Variants in FST observed in about 807,000 individuals in gnomAD.
FST encodes activin-binding protein.
In FST, 6 loss-of-function variants were observed where a neutral mutation model predicts 38.4. The observed-to-expected ratio is 0.16, with a 90% CI of 0.09 to 0.31. The LOEUF is 0.31. Ranked by LOEUF, FST falls within the 10% of genes least tolerant of loss-of-function variation. FST has a pLI of 1.00. For missense variants in FST, 301 were observed against 432.3 expected (o/e 0.70, Z 2.69); for synonymous variants, 157 against 169.8 (o/e 0.92, Z 0.59).
chr5:53,486,163 A>G lies in FST; in HGVS notation c.*130A>G. ...TGTATGCTTATTTATTTGGGGGGAA[A>G]ACTATACATTAAAGGACCTTTGTCC... is the stretch of plus-strand genomic sequence containing the variant. On this transcript the variant is annotated 3_prime_UTR_variant, in exon 6 of 6. Coordinates refer to ENST00000256759, the MANE Select transcript of FST (RefSeq NM_013409.3). 3.7e-6 allele frequency: 2 copies of G among 546,892 alleles called. No homozygotes were observed. Among genetic ancestry groups the G allele is most frequent in the Non-Finnish European group, 6.3e-6 (2 of 317,994 alleles). The allele number at this position is 546,892 out of a possible 1,614,324, so 33.9% of individuals were successfully genotyped here. A position where few individuals can be genotyped will look rare whatever the true frequency, so the allele number is the denominator to read the frequency against.
chr5:53,481,187 G>C (rs768614472), intron 1 of FST, among the ~76,000 whole-genome samples: 14 of 151,870 alleles, frequency 9.2e-5, no homozygotes, highest in Admixed American at 4.6e-4. Flanking sequence ...TCTGAAGAAG[G>C]GAACAAGTAT....
In FST at chr5:53,480,848, C is replaced by A; in HGVS notation, c.57C>A (p.Cys19Ter). Residue 19 changes from cysteine (C) to a stop codon, truncating the protein, a stop_gained, in exon 1 of 6, where the codon TGC becomes TGA. Coordinates refer to ENST00000256759, the MANE Select transcript of FST (RefSeq NM_013409.3). LOFTEE classifies it high-confidence loss of function. ...GGLCLLLLLL[C>*]QFMEDRSAQA... ...TTTGCCTCCTGCTGCTGCTGCTCTG[C>A]CAGTTCATGGAGGACCGCAGTGCCC... 6.5e-7 allele frequency: 1 copy of A among 1,534,066 alleles called. No individual in the cohort carries two copies.
chr5:53,482,718 G>A lies in FST; in HGVS notation c.86-162G>A, dbSNP rs553873210. ...CTTTTTCCACCCCTCCACCCCTTTC[G>A]ATTTATTTCCTACTTTTCTCCCGCG... On this transcript the variant is annotated intron_variant, in intron 1 of 5. Transcript: ENST00000256759. 81 of 544,298 alleles carry A rather than the reference G, an allele frequency of 1.5e-4. No homozygotes were observed. In the African/African-American group the frequency reaches 1.5e-3, roughly 10 times the overall value. 33.7% of individuals were successfully genotyped at this position (544,298 alleles called of 1,614,324 possible).
At position 53,486,676 on chromosome 5, in the gene FST, A is replaced by G. The variant is rs1457703128; in HGVS notation, c.*643A>G. 3 of 152,244 alleles carry G rather than the reference A, an allele frequency of 2.0e-5. No individual in the cohort carries two copies. Among genetic ancestry groups the G allele is most frequent in the Non-Finnish European group, 2.9e-5 (2 of 68,042 alleles). 9.4% of individuals were successfully genotyped at this position (152,244 alleles called of 1,614,324 possible). On this transcript the variant is annotated 3_prime_UTR_variant, in exon 6 of 6. Coordinates refer to ENST00000256759, the MANE Select transcript of FST (RefSeq NM_013409.3). ...CAAATACAAGGTACAGAAGATAAGC[A>G]TCTTTGAGGAAACTCCTACTTCAGT... is the stretch of plus-strand genomic sequence containing the variant.
intron 1 of FST, among the ~76,000 whole-genome samples, chr5:53,482,272 TTTC>T (rs1042285445): frequency 6.6e-6 from 1 of 152,040 alleles, no homozygotes; most frequent in Non-Finnish European, 1.5e-5. Context: ...TCTTCCTTTT[TTTC>T]TTTCTTTCTC....
rs1204708877 is a variant in FST, at chr5:53,484,143, A to G, written c.571A>G (p.Thr191Ala). 1 of 1,610,444 alleles carries G rather than the reference A, an allele frequency of 6.2e-7. No homozygotes were observed. Among genetic ancestry groups the G allele is most frequent in the Non-Finnish European group, 8.5e-7 (1 of 1,176,848 alleles). ...CCAGACCAATAATGCCTACTGTGTG[A>G]CCTGTAATCGGATTTGCCCAGAGCC... ...VDQTNNAYCV[T>A]CNRICPEPAS... The change falls in exon 4 of 6, where the codon ACC (threonine) becomes GCC (alanine). Residue 191 changes from threonine to alanine, a missense_variant. Transcript: ENST00000256759.
At position 53,485,235 on chromosome 5, in the gene FST, C is replaced by A; in HGVS notation, c.952+8C>A. On this transcript the variant is annotated splice_region_variant and intron_variant, in intron 5 of 5. Coordinates refer to ENST00000256759, the MANE Select transcript of FST (RefSeq NM_013409.3). ...ACTCCGGATCTTGCAACTGTAAGTGCGATTTTTAACCTTGCTGCCATTTAA... is the reference window on the plus strand; with the variant it reads ...ACTCCGGATCTTGCAACTGTAAGTGAGATTTTTAACCTTGCTGCCATTTAA... The A allele has an allele frequency of 6.1e-6, 9 of 1,468,368 alleles. No individual in the cohort carries two copies. Among genetic ancestry groups the A allele is most frequent in the South Asian group, 1.1e-5 (1 of 88,266 alleles). The allele number at this position is 1,468,368 out of a possible 1,614,324, so 91.0% of individuals were successfully genotyped here.
Position 53,486,072 on chromosome 5 carries a change from C to CAAAAAAAAAAAA in FST, c.*49_*60dup, listed in dbSNP as rs3083659. On this transcript the variant is annotated 3_prime_UTR_variant, in exon 6 of 6. Coordinates refer to ENST00000256759, the MANE Select transcript of FST (RefSeq NM_013409.3). ...GTTCAGTGTTGACATAGCCTTTGTG[C>CAAAAAAAAAAAA]AAAAAAAAAAAAAAAAAAAAAGAAA... The CAAAAAAAAAAAA allele has an allele frequency of 1.5e-5, 4 of 266,732 alleles. No homozygotes were observed. Among genetic ancestry groups the CAAAAAAAAAAAA allele is most frequent in the Non-Finnish European group, 2.5e-5 (4 of 162,590 alleles). The allele number at this position is 266,732 out of a possible 1,614,324, so 16.5% of individuals were successfully genotyped here.
chr5:53,485,950 G>A lies in FST; in HGVS notation c.953-1G>A. ...CAGCTCCCCTGTATTCCCCCATCTA[G>A]CCATTTCGGAAGACACCGAGGAAGA... is the stretch of plus-strand genomic sequence containing the variant. On this transcript the variant is annotated splice_acceptor_variant, in intron 5 of 5. Coordinates refer to ENST00000256759, the MANE Select transcript of FST (RefSeq NM_013409.3). LOFTEE classifies it high-confidence loss of function. The A allele has an allele frequency of 6.2e-7, 1 of 1,606,348 alleles. No homozygotes were observed. The highest frequency in any genetic ancestry group is 8.5e-7 in the Non-Finnish European group (1 of 1,178,084).
rs923402599 is a variant in FST, at chr5:53,483,954, A to G, written c.497-115A>G. 29 of 872,320 alleles carry G rather than the reference A, an allele frequency of 3.3e-5. No individual in the cohort carries two copies. The highest frequency in any genetic ancestry group is 4.5e-5 in the Non-Finnish European group (25 of 550,742). 54.0% of individuals were successfully genotyped at this position (872,320 alleles called of 1,614,324 possible). Reference sequence around the variant, plus strand: ...TCTCTTGAAAACTACAGGGCTCCCTAAGTGCCTTTTGAAAGCTGGATGCTT... The same window carrying G: ...TCTCTTGAAAACTACAGGGCTCCCTGAGTGCCTTTTGAAAGCTGGATGCTT... On this transcript the variant is annotated intron_variant, in intron 3 of 5. Coordinates refer to ENST00000256759, the MANE Select transcript of FST (RefSeq NM_013409.3). The surrounding 1 kb of genome is among the most constrained non-coding windows in gnomAD (Gnocchi z 4.1).
rs1747362238 is a variant in FST at position 53,483,446 on chromosome 5, G to C, written c.278-58G>C. On this transcript the variant is annotated intron_variant, in intron 2 of 5. Coordinates refer to ENST00000256759, the MANE Select transcript of FST (RefSeq NM_013409.3). This position sits in a 1 kb window ranked among gnomAD's most constrained non-coding sequence, Gnocchi z 4.1. ...TGCGCAAGGCACCCGAAGCCCTCCTGGCTGACCTGCAGACTGCCTGGCTCT... is the reference window on the plus strand; with the variant it reads ...TGCGCAAGGCACCCGAAGCCCTCCTCGCTGACCTGCAGACTGCCTGGCTCT... 7.1e-7 allele frequency: 1 copy of C among 1,416,114 alleles called. No homozygotes were observed. Among genetic ancestry groups the C allele is most frequent in the South Asian group, 1.2e-5 (1 of 84,050 alleles). The allele number at this position is 1,416,114 out of a possible 1,614,324, so 87.7% of individuals were successfully genotyped here. A position where few individuals can be genotyped will look rare whatever the true frequency, so the allele number is the denominator to read the frequency against.
chr5:53,482,651 A>G, intron 1 of FST: 1 of 418,112 alleles, frequency 2.4e-6, no homozygotes, highest in Non-Finnish European at 4.2e-6. Context: ...CCTCTCGCCC[A>G]CCTCCCATCT....
intron 5 of FST, 134 bp from the exon 6 acceptor site, chr5:53,485,817 C>G: frequency 6.3e-7 from 1 of 1,596,524 alleles, no homozygotes; most frequent in Non-Finnish European, 8.5e-7. Context: ...AAAAAAGCAT[C>G]TCACTGCAAG....
intron 1 of FST, among the ~76,000 whole-genome samples, chr5:53,481,483 A>AAAAAAAAAAAAAAAC (rs1747207753): frequency 1.4e-5 from 2 of 146,878 alleles, no homozygotes; most frequent in Non-Finnish European, 3.0e-5. Flanking sequence ...AAAAAAAAAA[A>AAAAAAAAAAAAAAAC]AAAGCCAAAT....
intron 1 of FST, 111 bp from the exon 2 acceptor site, chr5:53,482,769 C>G: frequency 1.6e-6 from 1 of 614,234 alleles, no homozygotes; most frequent in Admixed American, 3.1e-5. Flanking sequence ...CTCCTCCACG[C>G]TCACCCCCTC....
intron 4 of FST, among the ~76,000 whole-genome samples, 156 bp from the exon 5 acceptor site, chr5:53,484,841 C>A (rs1470645457): frequency 6.6e-6 from 1 of 152,072 alleles, no homozygotes; most frequent in Non-Finnish European, 1.5e-5. Context: ...AGCATTTTTG[C>A]ATAATATCTC....
chr5:53,480,705 C>CTGCGACG lies in FST; in HGVS notation c.-86_-80dup, dbSNP rs542798811. 3.8e-6 allele frequency: 1 copy of CTGCGACG among 261,348 alleles called. No individual in the cohort carries two copies. Among genetic ancestry groups the CTGCGACG allele is most frequent in the East Asian group, 1.6e-4 (1 of 6,444 alleles). The allele number at this position is 261,348 out of a possible 1,614,324, so 16.2% of individuals were successfully genotyped here. ...TCGCTGCGCCCTCCGCCGCTGGCCT[C>CTGCGACG]TGCGACGCGCGCCGCTCGCCCGAGC... is the stretch of plus-strand genomic sequence containing the variant. On this transcript the variant is annotated 5_prime_UTR_variant, in exon 1 of 6. Coordinates refer to ENST00000256759, the MANE Select transcript of FST (RefSeq NM_013409.3).
intron 1 of FST, among the ~76,000 whole-genome samples, chr5:53,481,462 C>CAAAA (rs70983342): frequency 0.019 from 904 of 47,988 alleles, 131 homozygotes; most frequent in African/African-American, 0.065. Flanking sequence ...CCCATTCTCG[C>CAAAA]AAAAAAAAAA....
At chr5:53,484,407 A>C (rs1249290396) in intron 4 of FST, 114 bp downstream of exon 4, 4 of 1,062,634 alleles carry the variant, frequency 3.8e-6, no homozygotes, top group Non-Finnish European at 5.4e-6. Flanking sequence ...ATAGGGAGAA[A>C]TACGCTGCAA....
Sources: allele counts gnomAD v4.1 joint callset (sites outside exome capture counted in the v4.1 genomes callset), GRCh38; gene constraint gnomAD v4.1.1; non-coding constraint Gnocchi (gnomAD v3.1); transcripts MANE v1.5; gene names NCBI Gene and HGNC (gene_info 2026-07-23, HGNC 2026-07-21).